The following GPC5 variants were observed in gnomAD, a reference collection of about 807,000 sequenced individuals.
GPC5 encodes the protein glypican-5.
Under a neutral mutation model 53.9 loss-of-function variants are expected in GPC5, and 47 were observed. The ratio of observed to expected loss-of-function variants is 0.87; its 90% CI spans 0.69 to 1.11. The LOEUF is 1.11. Among genes scored for constraint, GPC5 ranks in the 50% most tolerant of loss-of-function variants. GPC5 has a pLI of 0.00. For missense variants in GPC5, 748 were observed against 713.1 expected (o/e 1.05, Z -0.56); for synonymous variants, 286 against 263.3 (o/e 1.09, Z -0.84).
chr13:91,602,079 C>G (rs2033198200), intron 2 of GPC5, among the ~76,000 whole-genome samples: 1 of 152,184 alleles, frequency 6.6e-6, no homozygotes, highest in African/African-American at 2.4e-5. Context: ...CCTTTTCCTT[C>G]AAGGTTTATC....
At chr13:92,531,962 T>C (rs1401543032) in intron 7 of GPC5, among the ~76,000 whole-genome samples, 1 of 152,204 alleles carries the variant, frequency 6.6e-6, no homozygotes, top group Non-Finnish European at 1.5e-5. Context: ...TTAAGTTACC[T>C]GTTAACTCTT....
chr13:91,458,987 C>G (rs1159728611), intron 2 of GPC5, among the ~76,000 whole-genome samples: 3 of 151,888 alleles, frequency 2.0e-5, no homozygotes, highest in South Asian at 4.1e-4. Context: ...TATGTTCTCA[C>G]TGATAAGTGG....
chr13:92,338,561 A>G (rs2043341234), intron 7 of GPC5, among the ~76,000 whole-genome samples: 1 of 152,150 alleles, frequency 6.6e-6, no homozygotes, highest in Admixed American at 6.6e-5. Flanking sequence ...AATATTATTC[A>G]GCACTGAAGA....
chr13:92,213,657 TCA>T, intron 7 of GPC5, among the ~76,000 whole-genome samples: 1 of 152,196 alleles, frequency 6.6e-6, no homozygotes, highest in South Asian at 2.1e-4. Context: ...CATTCCAAAA[TCA>T]CAACAAAAAT....
intron 7 of GPC5, among the ~76,000 whole-genome samples, chr13:92,565,871 G>C (rs1594309471): frequency 6.6e-6 from 1 of 151,822 alleles, no homozygotes; most frequent in Admixed American, 6.6e-5. Context: ...AGCAAAATGA[G>C]TCCACATTTT....
At chr13:92,578,554 A>C (rs1275727931) in intron 7 of GPC5, among the ~76,000 whole-genome samples, 1 of 152,160 alleles carries the variant, frequency 6.6e-6, no homozygotes, top group Admixed American at 6.5e-5. Flanking sequence ...CTGAGTCCAA[A>C]GGCCTGAGAA....
chr13:92,579,948 T>G (rs1306946439), intron 7 of GPC5, among the ~76,000 whole-genome samples: 4 of 152,196 alleles, frequency 2.6e-5, no homozygotes, highest in Non-Finnish European at 5.9e-5. Context: ...GCATTGAATA[T>G]TCTCAAATGA....
chr13:92,862,636 G>GATAC (rs1221482206), intron 7 of GPC5, among the ~76,000 whole-genome samples: 1 of 150,334 alleles, frequency 6.7e-6, no homozygotes, highest in Non-Finnish European at 1.5e-5. Flanking sequence ...CAGATAGATA[G>GATAC]ATAGATAGAT....
At chr13:92,650,339 C>T (rs1056557608) in intron 7 of GPC5, among the ~76,000 whole-genome samples, 4 of 152,078 alleles carry the variant, frequency 2.6e-5, no homozygotes, top group African/African-American at 9.7e-5. Flanking sequence ...AAAGTCCCTT[C>T]ACACACTATA....
chr13:92,087,416 A>G (rs1487462846), intron 6 of GPC5, among the ~76,000 whole-genome samples: 9 of 152,228 alleles, frequency 5.9e-5, no homozygotes, highest in Admixed American at 5.9e-4. Flanking sequence ...TTTAATAAAT[A>G]TTTATCATCT....
At chr13:91,552,148 T>C (rs2030677222) in intron 2 of GPC5, among the ~76,000 whole-genome samples, 1 of 152,084 alleles carries the variant, frequency 6.6e-6, no homozygotes, top group Non-Finnish European at 1.5e-5. Flanking sequence ...ATCAATATTC[T>C]CATATTAGAG....
chr13:91,904,787 A>G (rs2039535962), intron 5 of GPC5, among the ~76,000 whole-genome samples: 1 of 152,094 alleles, frequency 6.6e-6, no homozygotes. Context: ...AGTCTGACCT[A>G]GAGTGAAGAA....
chr13:91,865,962 G>A (rs947132893), intron 5 of GPC5, among the ~76,000 whole-genome samples: 1 of 152,162 alleles, frequency 6.6e-6, no homozygotes, highest in Non-Finnish European at 1.5e-5. Flanking sequence ...CTGCCTCCTG[G>A]GTTAAAGTGC....
chr13:91,872,172 C>G (rs2039152565), intron 5 of GPC5, among the ~76,000 whole-genome samples: 1 of 152,074 alleles, frequency 6.6e-6, no homozygotes, highest in Admixed American at 6.6e-5. Flanking sequence ...TGGCTGTTCT[C>G]ATATTAATAC....
At position 91,433,377 on chromosome 13, in the gene GPC5, T is replaced by A. The variant is rs531308191; in HGVS notation, c.164-15384T>A. On this transcript the variant is annotated intron_variant, in intron 1 of 7. Coordinates refer to ENST00000377067, the MANE Select transcript of GPC5 (RefSeq NM_004466.6). ...CCCCCCACCCCACAACAGGCCCCAG[T>A]GTGTGATGTTCCCCTTCCTGTGTCC... Among the ~76,000 whole-genome samples the A allele has an allele frequency of 1.0e-3, 111 of 110,242 alleles. No homozygotes were observed. In the Middle Eastern group the frequency reaches 0.045, roughly 45 times the overall value. 72.3% of individuals were successfully genotyped at this position (110,242 alleles called of 152,430 possible).
At chr13:92,130,439 AAC>A (rs551899663) in intron 6 of GPC5, among the ~76,000 whole-genome samples, 2 of 151,534 alleles carry the variant, frequency 1.3e-5, no homozygotes, top group South Asian at 2.1e-4. Context: ...ACATTTTACA[AAC>A]ACACACACAC....
chr13:92,078,119 T>C (rs1034145796), intron 6 of GPC5, among the ~76,000 whole-genome samples: 16 of 152,192 alleles, frequency 1.1e-4, no homozygotes, highest in African/African-American at 3.6e-4. Context: ...TACCAAATTA[T>C]AATTAGCTAA....
chr13:92,269,760 G>C (rs35051610), intron 7 of GPC5, among the ~76,000 whole-genome samples: 1 of 152,106 alleles, frequency 6.6e-6, no homozygotes, highest in Non-Finnish European at 1.5e-5. Context: ...GAGTCTTCTC[G>C]TCTTGTGGAA....
At chr13:92,376,715 A>G (rs2043696214) in intron 7 of GPC5, among the ~76,000 whole-genome samples, 1 of 152,204 alleles carries the variant, frequency 6.6e-6, no homozygotes, top group South Asian at 2.1e-4. Context: ...TAGGCAAGGT[A>G]CAGAAACTTC....
Sources: allele counts gnomAD v4.1 joint callset (sites outside exome capture counted in the v4.1 genomes callset), GRCh38; gene constraint gnomAD v4.1.1; transcripts MANE v1.5; gene names NCBI Gene and HGNC (gene_info 2026-07-23, HGNC 2026-07-21).